The following ALKBH6 variants were observed in gnomAD, a reference collection of about 807,000 sequenced individuals.
ALKBH6 encodes the protein alkB homolog 6, nucleotide demethylase, also known as probable RNA/DNA demethylase ALKBH6.
A neutral mutation model predicts 25.1 loss-of-function variants in ALKBH6; 20 were observed. The observed-to-expected ratio is 0.80, with a 90% confidence interval of 0.56 to 1.16. The LOEUF is 1.16. Among genes scored for constraint, ALKBH6 ranks in the 50% most tolerant of loss-of-function variants. The probability of loss-of-function intolerance (pLI) is 0.00; values close to 1 mark genes in which losing one functional copy is unlikely to be tolerated. For missense variants in ALKBH6, 263 were observed against 326.5 expected (o/e 0.81, Z 1.50); for synonymous variants, 156 against 147.5 (o/e 1.06, Z -0.42).
rs1968582361 is a variant in ALKBH6, at chr19:36,010,743, C to T, written c.337-60G>A. Reference sequence around the variant, plus strand: ...AGTCCACAACCCCCACCCTCTGGGTCAAAGGGGGGCTTCCCAAGCCAGGGA... The same window carrying T: ...AGTCCACAACCCCCACCCTCTGGGTTAAAGGGGGGCTTCCCAAGCCAGGGA... On this transcript the variant is annotated intron_variant, in intron 5 of 6. Transcript: ENST00000378875. This position sits in a 1 kb window ranked among gnomAD's most constrained non-coding sequence, Gnocchi z 5.5. The T allele has an allele frequency of 5.7e-6, 9 of 1,580,028 alleles. No homozygotes were observed. The highest frequency in any genetic ancestry group is 6.9e-6 in the Non-Finnish European group (8 of 1,151,322).
In ALKBH6 at chr19:36,013,271, G is replaced by A. The variant is rs780353904; in HGVS notation, c.54+73C>T. ...GACAGTAAGAATGAATTTGGTGGAA[G>A]GGGGCAGTCCCAACCCAAGAACTCA... On this transcript the variant is annotated intron_variant, in intron 2 of 6. Coordinates refer to ENST00000378875, the MANE Select transcript of ALKBH6 (RefSeq NM_032878.5). The surrounding 1 kb of genome is among the most constrained non-coding windows in gnomAD (Gnocchi z 4.6). 6.3e-7 allele frequency: 1 copy of A among 1,579,302 alleles called. No individual in the cohort carries two copies. Among genetic ancestry groups the A allele is most frequent in the East Asian group, 2.2e-5 (1 of 44,688 alleles).
chr19:36,013,962 T>G lies in ALKBH6; in HGVS notation c.-26+213A>C. On this transcript the variant is annotated intron_variant, in intron 1 of 6. Transcript: ENST00000378875. The surrounding 1 kb of genome is among the most constrained non-coding windows in gnomAD (Gnocchi z 4.6). ...TGGACGCCCCTCGGATTTCCCCTCCTGAGCGCCCCTTCACTCCAGCACCCT... is the reference window on the plus strand; with the variant it reads ...TGGACGCCCCTCGGATTTCCCCTCCGGAGCGCCCCTTCACTCCAGCACCCT... 7.3e-7 allele frequency: 1 copy of G among 1,369,692 alleles called. No individual in the cohort carries two copies. The highest frequency in any genetic ancestry group is 9.4e-7 in the Non-Finnish European group (1 of 1,066,036). 84.8% of individuals were successfully genotyped at this position (1,369,692 alleles called of 1,614,324 possible). A position where few individuals can be genotyped will look rare whatever the true frequency, so the allele number is the denominator to read the frequency against.
Position 36,010,470 on chromosome 19 carries a change from C to T in ALKBH6, c.453+97G>A. 9.3e-7 allele frequency: 1 copy of T among 1,072,604 alleles called. No homozygotes were observed. The highest frequency in any genetic ancestry group is 1.4e-6 in the Non-Finnish European group (1 of 712,530). 66.4% of individuals were successfully genotyped at this position (1,072,604 alleles called of 1,614,324 possible). A position where few individuals can be genotyped will look rare whatever the true frequency, so the allele number is the denominator to read the frequency against. On this transcript the variant is annotated intron_variant, in intron 6 of 6. Transcript: ENST00000378875. The surrounding 1 kb of genome is among the most constrained non-coding windows in gnomAD (Gnocchi z 5.5). ...ACAAGGGAAGGTATCTGGGAGAGTG[C>T]CAGGAGTACCCCGAAGGCATGTGGG... is the stretch of plus-strand genomic sequence containing the variant.
chr19:36,012,970 G>A, intron 3 of ALKBH6, 51 bp downstream of exon 3: 1 of 1,541,080 alleles, frequency 6.5e-7, no homozygotes. Flanking sequence ...TGGACATTGG[G>A]GAGGAATATG....
chr19:36,013,613 G>A lies in ALKBH6; in HGVS notation c.-25-191C>T, dbSNP rs1208653261. 2.1e-6 allele frequency: 3 copies of A among 1,413,660 alleles called. No homozygotes were observed. The highest frequency in any genetic ancestry group is 5.8e-5 in the Admixed American group (2 of 34,290). 87.6% of individuals were successfully genotyped at this position (1,413,660 alleles called of 1,614,324 possible). On this transcript the variant is annotated intron_variant, in intron 1 of 6. Transcript: ENST00000378875. The surrounding 1 kb of genome is among the most constrained non-coding windows in gnomAD (Gnocchi z 4.6). Reference sequence around the variant, plus strand: ...CCTACGTTCCATGCCCGGACACAATGAGCCCCAAGAATAATCCCCCATTAC... The same window carrying A: ...CCTACGTTCCATGCCCGGACACAATAAGCCCCAAGAATAATCCCCCATTAC...
rs1968665914 is a variant in ALKBH6, at chr19:36,013,219, G to C, written c.54+125C>G. 5 of 1,456,868 alleles carry C rather than the reference G, an allele frequency of 3.4e-6. No homozygotes were observed. In the Admixed American group the frequency reaches 8.6e-5, roughly 25 times the overall value. 90.2% of individuals were successfully genotyped at this position (1,456,868 alleles called of 1,614,324 possible). On this transcript the variant is annotated intron_variant, in intron 2 of 6. Transcript: ENST00000378875. The surrounding 1 kb of genome is among the most constrained non-coding windows in gnomAD (Gnocchi z 4.6). ...GACAGGTCAGGGTCTAAAGTCAAGG[G>C]ACCAGTGCCATTCCAGAATGGACTC... is the stretch of plus-strand genomic sequence containing the variant.
Position 36,013,802 on chromosome 19 carries a change from A to C in ALKBH6, c.-26+373T>G. ...TAAACACCTTGAGACCCCGCTTCAG[A>C]CCTGCAACTGTGAGCCCGGCTATCA... On this transcript the variant is annotated intron_variant, in intron 1 of 6. Transcript: ENST00000378875. This position sits in a 1 kb window ranked among gnomAD's most constrained non-coding sequence, Gnocchi z 4.6. The C allele has an allele frequency of 7.8e-7, 1 of 1,275,728 alleles. No homozygotes were observed. Among genetic ancestry groups the C allele is most frequent in the South Asian group, 2.0e-5 (1 of 51,220 alleles). 79.0% of individuals were successfully genotyped at this position (1,275,728 alleles called of 1,614,324 possible).
In ALKBH6 at chr19:36,013,719, G is replaced by A. The variant is rs1968690170; in HGVS notation, c.-25-297C>T. 7.8e-7 allele frequency: 1 copy of A among 1,285,402 alleles called. No homozygotes were observed. Among genetic ancestry groups the A allele is most frequent in the African/African-American group, 1.5e-5 (1 of 65,662 alleles). 79.6% of individuals were successfully genotyped at this position (1,285,402 alleles called of 1,614,324 possible). On this transcript the variant is annotated intron_variant, in intron 1 of 6. Coordinates refer to ENST00000378875, the MANE Select transcript of ALKBH6 (RefSeq NM_032878.5). This position sits in a 1 kb window ranked among gnomAD's most constrained non-coding sequence, Gnocchi z 4.6. ...AGAACATTCTCTGGCCCCACACACA[G>A]GGAGCCTTTCTCAAAAGCTCTACAC...
At position 36,011,821 on chromosome 19, in the gene ALKBH6, C is replaced by G. The variant is rs371838732; in HGVS notation, c.124-357G>C. ...TGATTCCGTGCCAAACCTGGTTGCTCATGCCTGTAATCCCAGCACTTTGGG... is the reference window on the plus strand; with the variant it reads ...TGATTCCGTGCCAAACCTGGTTGCTGATGCCTGTAATCCCAGCACTTTGGG... On this transcript the variant is annotated intron_variant, in intron 3 of 6. Transcript: ENST00000378875. 20 of 187,738 alleles carry G rather than the reference C, an allele frequency of 1.1e-4. 1 individual carries two copies. In the South Asian group the frequency reaches 1.8e-3, roughly 17 times the overall value. 11.6% of individuals were successfully genotyped at this position (187,738 alleles called of 1,614,324 possible).
Position 36,013,667 on chromosome 19 carries a change from A to C in ALKBH6, c.-25-245T>G. 7.4e-7 allele frequency: 1 copy of C among 1,346,708 alleles called. No individual in the cohort carries two copies. The highest frequency in any genetic ancestry group is 9.6e-7 in the Non-Finnish European group (1 of 1,046,780). 83.4% of individuals were successfully genotyped at this position (1,346,708 alleles called of 1,614,324 possible). On this transcript the variant is annotated intron_variant, in intron 1 of 6. Coordinates refer to ENST00000378875, the MANE Select transcript of ALKBH6 (RefSeq NM_032878.5). This position sits in a 1 kb window ranked among gnomAD's most constrained non-coding sequence, Gnocchi z 4.6. ...GTCCACTAAGGGCCCATCCAACTAC[A>C]CATATGCCTTCTCAATCCTCCCACA...
chr19:36,014,018 ATCT>A (rs1968706385), intron 1 of ALKBH6, 154 bp downstream of exon 1: 8 of 1,445,672 alleles, frequency 5.5e-6, no homozygotes, highest in African/African-American at 4.5e-5. Flanking sequence ...TGACTCCCAA[ATCT>A]TCTTCCCTCC....
intron 3 of ALKBH6, 77 bp downstream of exon 3, chr19:36,012,944 G>A: frequency 7.1e-7 from 1 of 1,410,590 alleles, no homozygotes; most frequent in Non-Finnish European, 1.0e-6. Context: ...AGCCTTGGGG[G>A]CTCTCATACA....
At chr19:36,011,712 A>G (rs1968616016) in intron 3 of ALKBH6, 1 of 439,214 alleles carries the variant, frequency 2.3e-6, no homozygotes, top group Admixed American at 3.4e-5. Flanking sequence ...GTGGTCTGAG[A>G]GTTGTGGGTC....
Position 36,010,549 on chromosome 19 carries a change from C to G in ALKBH6, c.453+18G>C. ...TTGAAGTGCCTACAAGCAGCTGGGGCAGTGTCTGGGGGCCCACCTGTTCTG... is the reference window on the plus strand; with the variant it reads ...TTGAAGTGCCTACAAGCAGCTGGGGGAGTGTCTGGGGGCCCACCTGTTCTG... On this transcript the variant is annotated intron_variant, in intron 6 of 6. Transcript: ENST00000378875. The surrounding 1 kb of genome is among the most constrained non-coding windows in gnomAD (Gnocchi z 5.5). 6.2e-7 allele frequency: 1 copy of G among 1,605,536 alleles called. No individual in the cohort carries two copies. The highest frequency in any genetic ancestry group is 1.1e-5 in the South Asian group (1 of 90,764).
rs764583748 is a variant in ALKBH6 at position 36,013,327 on chromosome 19, C to T, written c.54+17G>A. 3.1e-6 allele frequency: 5 copies of T among 1,613,948 alleles called. No individual in the cohort carries two copies. Among genetic ancestry groups the T allele is most frequent in the Non-Finnish European group, 4.2e-6 (5 of 1,179,900 alleles). ...CAGCCTGCCTCCTTCACCCTCTGCA[C>T]CCTGAGTTCTGACAACCTGCTCCAC... is the stretch of plus-strand genomic sequence containing the variant. On this transcript the variant is annotated intron_variant, in intron 2 of 6. Coordinates refer to ENST00000378875, the MANE Select transcript of ALKBH6 (RefSeq NM_032878.5). This position sits in a 1 kb window ranked among gnomAD's most constrained non-coding sequence, Gnocchi z 4.6.
In ALKBH6 at chr19:36,013,849, C is replaced by T. The variant is rs555929689; in HGVS notation, c.-26+326G>A. 2.3e-6 allele frequency: 3 copies of T among 1,310,082 alleles called. No homozygotes were observed. Among genetic ancestry groups the T allele is most frequent in the Non-Finnish European group, 2.9e-6 (3 of 1,031,584 alleles). 81.2% of individuals were successfully genotyped at this position (1,310,082 alleles called of 1,614,324 possible). Reference sequence around the variant, plus strand: ...ATCAACACTCAGCGACCCCCGCCCCCCACCGAATCCCATTCTGTGCACTCC... The same window carrying T: ...ATCAACACTCAGCGACCCCCGCCCCTCACCGAATCCCATTCTGTGCACTCC... On this transcript the variant is annotated intron_variant, in intron 1 of 6. Transcript: ENST00000378875. This position sits in a 1 kb window ranked among gnomAD's most constrained non-coding sequence, Gnocchi z 4.6.
At position 36,009,341 on chromosome 19, in the gene ALKBH6, G is replaced by A. The variant is rs918482207; in HGVS notation, c.666C>T (p.Thr222=). ...CLVRGTRVSL[T]IRRVPRVLRA... is the part of the protein sequence containing the mutation. The stretch of plus-strand genomic sequence containing the variant: ...GCAGCACGCGGGGCACGCGGCGGAT[G>A]GTCAGCGAGACCCGGGTGCCGCGCA... The change falls in exon 7 of 7, where the codon ACC becomes ACT. Residue 222 remains threonine, a synonymous_variant. Transcript: ENST00000378875. 1.3e-4 allele frequency: 172 copies of A among 1,339,698 alleles called. 1 individual carries two copies. The highest frequency in any genetic ancestry group is 5.5e-4 in the Middle Eastern group (2 of 3,620). 83.0% of individuals were successfully genotyped at this position (1,339,698 alleles called of 1,614,324 possible). A position where few individuals can be genotyped will look rare whatever the true frequency, so the allele number is the denominator to read the frequency against.
Position 36,013,473 on chromosome 19 carries a change from C to A in ALKBH6, c.-25-51G>T. 1 of 1,608,450 alleles carries A rather than the reference C, an allele frequency of 6.2e-7. No individual in the cohort carries two copies. Among genetic ancestry groups the A allele is most frequent in the Non-Finnish European group, 8.5e-7 (1 of 1,176,890 alleles). On this transcript the variant is annotated intron_variant, in intron 1 of 6. Transcript: ENST00000378875. This position sits in a 1 kb window ranked among gnomAD's most constrained non-coding sequence, Gnocchi z 4.6. ...AGTCACTAGGCCTCCCGCCCTAACA[C>A]CATGATGCAGCATTCCACCCCATCA...
chr19:36,014,099 A>C, intron 1 of ALKBH6, 76 bp downstream of exon 1: 1 of 1,596,120 alleles, frequency 6.3e-7, no homozygotes. Flanking sequence ...TCGGACTCCT[A>C]CTCTGGGCTC....
Sources: allele counts gnomAD v4.1 joint callset, GRCh38; gene constraint gnomAD v4.1.1; non-coding constraint Gnocchi (gnomAD v3.1); transcripts MANE v1.5; gene names NCBI Gene and HGNC (gene_info 2026-07-23, HGNC 2026-07-21).